UTP20: variants seen among roughly 807,000 people sequenced by gnomAD.
UTP20 encodes the protein small subunit processome component 20 homolog.
A neutral mutation model predicts 329.5 loss-of-function variants in UTP20; 164 were observed. The ratio of observed to expected loss-of-function variants is 0.50; its 90% CI spans 0.44 to 0.57. The LOEUF (loss-of-function observed/expected upper bound fraction) is 0.57, where lower values mean the gene tolerates loss of function less well. Ranked by LOEUF, UTP20 falls within the 20% of genes least tolerant of loss-of-function variation. The probability of loss-of-function intolerance (pLI) is 0.00; values close to 1 mark genes in which losing one functional copy is unlikely to be tolerated. For synonymous variants in UTP20, 1,151 were observed against 1,159.3 expected, an observed-to-expected ratio of 0.99 and a Z score of 0.14; for missense variants, 3,055 against 3,284.2, an observed-to-expected ratio of 0.93 and a Z score of 1.71.
chr12:101,329,226 T>C lies in UTP20; in HGVS notation c.3209-15T>C. On this transcript the variant is annotated splice_polypyrimidine_tract_variant and intron_variant, in intron 26 of 61. Transcript: ENST00000261637. ...TGTTACCTTACATGACCTCTCGTCC[T>C]CTTTGTTTCACTAGGAGAGTGCCAT... is the stretch of plus-strand genomic sequence containing the variant. 6.2e-7 allele frequency: 1 copy of C among 1,611,626 alleles called. No homozygotes were observed. The highest frequency in any genetic ancestry group is 1.1e-5 in the South Asian group (1 of 90,964).
chr12:101,345,720 A>G (rs1304330175), intron 37 of UTP20, 26 bp downstream of exon 37: 9 of 1,592,218 alleles, frequency 5.7e-6, no homozygotes, highest in Admixed American at 1.8e-5. Flanking sequence ...GCTTTTTCCT[A>G]CCTACGACAT....
intron 45 of UTP20, among the ~76,000 whole-genome samples, chr12:101,364,555 C>G (rs191282859): frequency 6.6e-6 from 1 of 152,238 alleles, no homozygotes; most frequent in East Asian, 1.9e-4. Context: ...ACATTCCTAC[C>G]ATGGTTTCAT....
chr12:101,334,535 A>C (rs751150475), intron 29 of UTP20, 31 bp downstream of exon 29: 2 of 1,582,796 alleles, frequency 1.3e-6, no homozygotes, highest in Admixed American at 3.4e-5. Flanking sequence ...TTCTTTAAAA[A>C]GGGCAGTGTT....
intron 38 of UTP20, among the ~76,000 whole-genome samples, chr12:101,351,671 A>G (rs186520271): frequency 1.1e-3 from 163 of 150,790 alleles, no homozygotes; most frequent in Admixed American, 1.9e-3. Context: ...TGCTTTAGCT[A>G]TTTTTCCGAT....
intron 22 of UTP20, among the ~76,000 whole-genome samples, chr12:101,319,073 TTTC>T (rs1189897507): frequency 1.3e-5 from 2 of 152,148 alleles, no homozygotes; most frequent in East Asian, 3.8e-4. Context: ...TTCAGATATA[TTTC>T]TTCTTCCTTG....
At chr12:101,283,255 G>T (rs917933732) in intron 2 of UTP20, among the ~76,000 whole-genome samples, 1 of 152,214 alleles carries the variant, frequency 6.6e-6, no homozygotes, top group East Asian at 1.9e-4. Context: ...GGATGGTCCA[G>T]AATGGCCTCT....
At position 101,291,882 on chromosome 12, in the gene UTP20, C is replaced by G; in HGVS notation, c.1032C>G (p.Val344=). The change falls in exon 9 of 62, where the codon GTC becomes GTG. Residue 344 remains valine, a synonymous_variant. Transcript: ENST00000261637. Reference sequence around the variant, plus strand: ...CAAAGATACCCACGCCTGCTGATGTCTGTAAGGTGAGTTCCCAACTTAATA... The same window carrying G: ...CAAAGATACCCACGCCTGCTGATGTGTGTAAGGTGAGTTCCCAACTTAATA... The part of the protein sequence containing the change: ...SGTKIPTPAD[V]CKVLSQTLQV... 6.2e-7 allele frequency: 1 copy of G among 1,611,540 alleles called. No individual in the cohort carries two copies. The highest frequency in any genetic ancestry group is 8.5e-7 in the Non-Finnish European group (1 of 1,179,308).
At chr12:101,316,624 T>A (rs1261366627) in intron 21 of UTP20, among the ~76,000 whole-genome samples, 1 of 152,156 alleles carries the variant, frequency 6.6e-6, no homozygotes, top group Non-Finnish European at 1.5e-5. Context: ...GTTGGTAGGG[T>A]GCTGTCCTCA....
At chr12:101,372,747 G>T in intron 51 of UTP20, 137 bp from the exon 52 acceptor site, 1 of 639,202 alleles carries the variant, frequency 1.6e-6, no homozygotes. Flanking sequence ...GATTTAGCTG[G>T]AGTGCATTGG....
rs1009154644 is a variant in UTP20, at chr12:101,379,417, C to T, written c.7443C>T (p.Leu2481=). 4.3e-6 allele frequency: 7 copies of T among 1,613,926 alleles called. No individual in the cohort carries two copies. The African/African-American group carries it at 5.3e-5, about 12-fold the overall frequency. Residue 2481 remains leucine (L), a synonymous_variant, in exon 57 of 62, where the codon CTC becomes CTT. Transcript: ENST00000261637. ...GACATCCACACAACTGGGTGTGGCT[C>T]ACAGCAGCCCAGATTTTTGGATTAC... The part of the protein sequence containing the change: ...HLRHPHNWVW[L]TAAQIFGLLF...
intron 49 of UTP20, 149 bp from the exon 50 acceptor site, chr12:101,370,282 CA>C: frequency 2.1e-6 from 2 of 947,386 alleles, no homozygotes; most frequent in South Asian, 1.9e-5. Flanking sequence ...TGGTTATGGC[CA>C]AAATTTTTTC....
At position 101,338,976 on chromosome 12, in the gene UTP20, C is replaced by A; in HGVS notation, c.4013+19C>A. On this transcript the variant is annotated intron_variant, in intron 31 of 61. Coordinates refer to ENST00000261637, the MANE Select transcript of UTP20 (RefSeq NM_014503.3). Reference sequence around the variant, plus strand: ...TTTCAAAGTAAGTGATATGTTGATACTTAAAAGATAACATTACCATCCTTG... The same window carrying A: ...TTTCAAAGTAAGTGATATGTTGATAATTAAAAGATAACATTACCATCCTTG... 2 of 1,563,300 alleles carry A rather than the reference C, an allele frequency of 1.3e-6. No individual in the cohort carries two copies. The highest frequency in any genetic ancestry group is 1.2e-5 in the South Asian group (1 of 82,502).
At chr12:101,353,540 A>G in intron 40 of UTP20, among the ~76,000 whole-genome samples, 1 of 152,190 alleles carries the variant, frequency 6.6e-6, no homozygotes, top group East Asian at 1.9e-4. Context: ...AGTATTTGAA[A>G]AGATTATAAA....
At chr12:101,360,793 C>T (rs1207364771) in intron 43 of UTP20, among the ~76,000 whole-genome samples, 20 of 152,172 alleles carry the variant, frequency 1.3e-4, no homozygotes, top group Admixed American at 1.0e-3. Flanking sequence ...CGCACCACTG[C>T]ACTCCAGCCT....
At chr12:101,317,744 A>G in intron 22 of UTP20, 81 bp downstream of exon 22, 1 of 1,358,614 alleles carries the variant, frequency 7.4e-7, no homozygotes, top group Non-Finnish European at 9.9e-7. Context: ...TTTATACAAA[A>G]TCAACTACTC....
In UTP20 at chr12:101,280,163, G is replaced by A. The variant is rs1170324375; in HGVS notation, c.-120G>A. On this transcript the variant is annotated 5_prime_UTR_variant, in exon 1 of 62. Transcript: ENST00000261637. ...GCCCAGGGGCTCAAGCCGCACGTGA[G>A]AAAGTCTGGGCATCTGGGAATCGGA... The A allele has an allele frequency of 6.8e-6, 9 of 1,322,980 alleles. No individual in the cohort carries two copies. The Admixed American group carries it at 1.7e-4, about 25-fold the overall frequency. The allele number at this position is 1,322,980 out of a possible 1,614,324, so 82.0% of individuals were successfully genotyped here. A position where few individuals can be genotyped will look rare whatever the true frequency, so the allele number is the denominator to read the frequency against.
In UTP20 at chr12:101,300,068, T is replaced by A; in HGVS notation, c.1675+7T>A. ...AAAGGAAGCTTTGGGAAAGGTCAGTTACAATCATCATGTGTTCTCTTCTCT... is the reference window on the plus strand; with the variant it reads ...AAAGGAAGCTTTGGGAAAGGTCAGTAACAATCATCATGTGTTCTCTTCTCT... On this transcript the variant is annotated splice_region_variant and intron_variant, in intron 14 of 61. Transcript: ENST00000261637. 1 of 1,613,026 alleles carries A rather than the reference T, an allele frequency of 6.2e-7. No homozygotes were observed. Among genetic ancestry groups the A allele is most frequent in the Non-Finnish European group, 8.5e-7 (1 of 1,178,938 alleles).
chr12:101,284,415 C>G (rs1419697162), intron 2 of UTP20, among the ~76,000 whole-genome samples: 1 of 152,094 alleles, frequency 6.6e-6, no homozygotes, highest in African/African-American at 2.4e-5. Flanking sequence ...CTGCAAAGGA[C>G]ACGATTTCAT....
intron 7 of UTP20, 77 bp downstream of exon 7, chr12:101,290,351 G>A (rs1872099295): frequency 6.7e-7 from 1 of 1,490,634 alleles, no homozygotes; most frequent in East Asian, 2.3e-5. Flanking sequence ...GGCAAATGAT[G>A]TGGAGGGAAG....
Sources: allele counts gnomAD v4.1 joint callset (sites outside exome capture counted in the v4.1 genomes callset), GRCh38; gene constraint gnomAD v4.1.1; transcripts MANE v1.5; gene names NCBI Gene and HGNC (gene_info 2026-07-23, HGNC 2026-07-21).